KCNK2: variants seen among roughly 807,000 people sequenced by gnomAD.
KCNK2 encodes the protein potassium two pore domain channel subfamily K member 2, also known as potassium channel subfamily K member 2.
In KCNK2, 21 loss-of-function variants were observed where a neutral mutation model predicts 40.5. The ratio of observed to expected loss-of-function variants is 0.52; its 90% CI spans 0.37 to 0.75. The LOEUF is 0.75. KCNK2 is among the 30% of genes least tolerant of loss of function. The pLI, the probability that KCNK2 is intolerant of heterozygous loss-of-function variation, is 0.00. For missense variants in KCNK2, 399 were observed against 531.6 expected (o/e 0.75, Z 2.45); for synonymous variants, 191 against 202.2 (o/e 0.94, Z 0.47).
intron 5 of KCNK2, among the ~76,000 whole-genome samples, chr1:215,177,740 A>ATATTTTTTTTT (rs71167812): frequency 3.0e-5 from 3 of 101,598 alleles, no homozygotes; most frequent in Admixed American, 1.2e-4. Flanking sequence ...ATATATATAT[A>ATATTTTTTTTT]TTTTTTTTTT....
intron 3 of KCNK2, among the ~76,000 whole-genome samples, chr1:215,146,474 G>A (rs375334011): frequency 1.3e-4 from 20 of 152,252 alleles, no homozygotes; most frequent in Admixed American, 9.8e-4. Context: ...CTGCAGGCGC[G>A]GTTGTTTCTG....
intron 1 of KCNK2, among the ~76,000 whole-genome samples, chr1:215,022,132 C>CT (rs369998159): frequency 0.15 from 1,508 of 9,810 alleles, 26 homozygotes; most frequent in South Asian, 0.45. Flanking sequence ...TCTATCTAAT[C>CT]ATCTATCTAT....
upstream of KCNK2, among the ~76,000 whole-genome samples, chr1:215,077,756 C>A (rs556441488): frequency 6.8e-4 from 104 of 152,192 alleles, no homozygotes; most frequent in African/African-American, 2.4e-3. Flanking sequence ...GTTGGGGAAG[C>A]CCTTTCTTTC....
intron 6 of KCNK2, among the ~76,000 whole-genome samples, chr1:215,200,309 C>T (rs986269539): frequency 2.0e-5 from 3 of 152,150 alleles, no homozygotes; most frequent in African/African-American, 7.2e-5. Flanking sequence ...TACCTGGTGG[C>T]AGCATTTGGT....
At chr1:215,125,978 CACA>C (rs1661418836) in intron 3 of KCNK2, among the ~76,000 whole-genome samples, 3 of 151,542 alleles carry the variant, frequency 2.0e-5, no homozygotes, top group Admixed American at 2.0e-4. Flanking sequence ...TTTTTCTTTC[CACA>C]TACCTTTGTG....
At chr1:215,150,363 T>C (rs1662632620) in intron 3 of KCNK2, among the ~76,000 whole-genome samples, 1 of 152,212 alleles carries the variant, frequency 6.6e-6, no homozygotes, top group Non-Finnish European at 1.5e-5. Context: ...TGTTTTCACA[T>C]AGGGTGAATT....
intron 5 of KCNK2, among the ~76,000 whole-genome samples, chr1:215,180,767 C>A (rs1173894930): frequency 6.6e-6 from 1 of 152,020 alleles, no homozygotes; most frequent in East Asian, 1.9e-4. Flanking sequence ...ATGATTTGAC[C>A]TTTGTCTGTA....
rs1200880330 is a variant in KCNK2, at chr1:215,209,340, A to AAT, written c.963+14257_963+14258dup. Among the ~76,000 whole-genome samples, 18 of 94,942 alleles carry AAT rather than the reference A, an allele frequency of 1.9e-4. 1 individual carries two copies. In the South Asian group the frequency reaches 3.4e-3, roughly 18 times the overall value. 62.3% of individuals were successfully genotyped at this position (94,942 alleles called of 152,430 possible). ...AATATACACATATTTTTATATATAT[A>AAT]ATATATATATTATATATAATATATG... is the stretch of plus-strand genomic sequence containing the variant. On this transcript the variant is annotated intron_variant, in intron 6 of 6. Coordinates refer to ENST00000444842, the MANE Select transcript of KCNK2 (RefSeq NM_001017425.3).
intron 3 of KCNK2, among the ~76,000 whole-genome samples, chr1:215,152,755 A>G (rs902380507): frequency 6.6e-6 from 1 of 152,172 alleles, no homozygotes; most frequent in Non-Finnish European, 1.5e-5. Flanking sequence ...GAGTAACATA[A>G]TAGTATGCAC....
At chr1:215,218,751 A>G (rs1261889383) in intron 6 of KCNK2, among the ~76,000 whole-genome samples, 2 of 152,092 alleles carry the variant, frequency 1.3e-5, no homozygotes, top group Non-Finnish European at 2.9e-5. Context: ...TGATCTTCAA[A>G]TTTTGTAAAT....
chr1:215,204,687 A>T (rs1033757942), intron 6 of KCNK2, among the ~76,000 whole-genome samples: 1 of 152,154 alleles, frequency 6.6e-6, no homozygotes, highest in Non-Finnish European at 1.5e-5. Context: ...AAATCAAGCT[A>T]TGTTTGCTGA....
chr1:215,063,357 G>C (rs1658424583), intron 1 of KCNK2, among the ~76,000 whole-genome samples: 1 of 152,166 alleles, frequency 6.6e-6, no homozygotes, highest in Non-Finnish European at 1.5e-5. Flanking sequence ...GAAAAGATTA[G>C]AAACAGATAC....
intron 2 of KCNK2, among the ~76,000 whole-genome samples, chr1:215,105,329 G>A (rs1047723659): frequency 5.9e-5 from 9 of 151,986 alleles, no homozygotes; most frequent in African/African-American, 1.2e-4. Context: ...GGGAACATAC[G>A]GTATTTGTCC....
chr1:215,011,854 C>T (rs1327576479), intron 1 of KCNK2, among the ~76,000 whole-genome samples: 1 of 151,724 alleles, frequency 6.6e-6, no homozygotes, highest in Non-Finnish European at 1.5e-5. Context: ...GATCCACCCG[C>T]CTCGGCCTCC....
rs1659260190 is a variant in KCNK2 at position 215,083,285 on chromosome 1, C to T, written c.-101C>T. On this transcript the variant is annotated 5_prime_UTR_variant, in exon 1 of 7. Transcript: ENST00000444842. ...ATGCCTGCCCGTGCAGCTCGGAGCG[C>T]GCAGCCCGTCTCTGAATAAGAAGTG... 3 of 1,607,848 alleles carry T rather than the reference C, an allele frequency of 1.9e-6. No homozygotes were observed. Among genetic ancestry groups the T allele is most frequent in the East Asian group, 2.3e-5 (1 of 44,362 alleles).
chr1:215,231,909 A>C (rs1443671352), intron 6 of KCNK2, among the ~76,000 whole-genome samples: 7 of 152,112 alleles, frequency 4.6e-5, no homozygotes, highest in African/African-American at 1.7e-4. Flanking sequence ...AAACCATCAG[A>C]TCTCATGAGA....
intron 3 of KCNK2, among the ~76,000 whole-genome samples, chr1:215,131,343 A>G: frequency 7.5e-6 from 1 of 132,656 alleles, no homozygotes; most frequent in South Asian, 2.3e-4. Context: ...TTATATAAAT[A>G]TAATATCAAT....
intron 6 of KCNK2, among the ~76,000 whole-genome samples, chr1:215,201,483 T>C (rs1002967122): frequency 6.6e-6 from 1 of 152,156 alleles, no homozygotes; most frequent in Non-Finnish European, 1.5e-5. Context: ...TTTATGGAAA[T>C]GGGAGCCCTT....
At chr1:215,182,145 G>A (rs1664241789) in intron 5 of KCNK2, among the ~76,000 whole-genome samples, 1 of 152,150 alleles carries the variant, frequency 6.6e-6, no homozygotes, top group Admixed American at 6.5e-5. Context: ...AAGGAGGGGT[G>A]GGATGACTCA....
Sources: gnomAD v4.1 joint callset for allele counts (sites outside exome capture counted in the v4.1 genomes callset) on GRCh38, gnomAD v4.1.1 for gene constraint, MANE v1.5 for transcripts, NCBI Gene and HGNC (gene_info 2026-07-23, HGNC 2026-07-21) for gene names.